XPO6: variants seen among roughly 807,000 people sequenced by gnomAD.
XPO6 encodes exportin-6.
Under a neutral mutation model 130.0 loss-of-function variants are expected in XPO6, and 3 were observed. The observed-to-expected ratio is 0.02, with a 90% CI of 0.01 to 0.06. The LOEUF is 0.06. XPO6 is among the 10% of genes least tolerant of loss of function. XPO6 has a pLI of 1.00. For synonymous variants in XPO6, 524 were observed against 548.9 expected (o/e 0.95, Z 0.63); for missense variants, 970 against 1,393.0 (o/e 0.70, Z 4.83).
chr16:28,207,383 C>A (rs7189762), intron 1 of XPO6, among the ~76,000 whole-genome samples: 66,784 of 152,028 alleles, frequency 0.44, 16,189 homozygotes, highest in Non-Finnish European at 0.55. Flanking sequence ...AGCAACAGCT[C>A]GCTCAATACT....
At chr16:28,191,906 GTC>G (rs1025435325) in intron 1 of XPO6, among the ~76,000 whole-genome samples, 2 of 152,202 alleles carry the variant, frequency 1.3e-5, no homozygotes, top group African/African-American at 2.4e-5. Context: ...TTAAGAGCAA[GTC>G]TCTTGTAAAA....
intron 9 of XPO6, among the ~76,000 whole-genome samples, chr16:28,139,469 AG>A (rs2042844759): frequency 6.6e-6 from 1 of 152,262 alleles, no homozygotes; most frequent in African/African-American, 2.4e-5. Context: ...TCAAGAAGGA[AG>A]GAAAAGCAAG....
intron 1 of XPO6, among the ~76,000 whole-genome samples, chr16:28,187,640 G>C (rs931588585): frequency 3.3e-5 from 5 of 149,608 alleles, no homozygotes; most frequent in African/African-American, 5.0e-5. Context: ...ATAGATATTA[G>C]GCTTCTCTAC....
At chr16:28,121,395 G>A (rs1452472972) in intron 14 of XPO6, among the ~76,000 whole-genome samples, 2 of 152,166 alleles carry the variant, frequency 1.3e-5, no homozygotes, top group African/African-American at 4.8e-5. Flanking sequence ...CCTCCTGCCT[G>A]TGTGACTGTC....
intron 8 of XPO6, among the ~76,000 whole-genome samples, chr16:28,150,377 C>A (rs188246770): frequency 6.6e-6 from 1 of 151,986 alleles, no homozygotes; most frequent in Non-Finnish European, 1.5e-5. Context: ...TATAAAACCA[C>A]CATTTTCAAT....
intron 16 of XPO6, 107 bp from the exon 17 acceptor site, chr16:28,112,113 G>GC (rs2086939130): frequency 8.2e-6 from 11 of 1,341,324 alleles, no homozygotes; most frequent in African/African-American, 1.5e-5. Context: ...TGGAACCCTA[G>GC]CCCCCAGGCT....
At chr16:28,168,976 C>T (rs2043406316) in intron 5 of XPO6, among the ~76,000 whole-genome samples, 1 of 152,110 alleles carries the variant, frequency 6.6e-6, no homozygotes, top group African/African-American at 2.4e-5. Flanking sequence ...ATGCCAAGCA[C>T]TAAACTGGAG....
chr16:28,192,761 G>C (rs1342664133), intron 1 of XPO6, among the ~76,000 whole-genome samples: 1 of 152,140 alleles, frequency 6.6e-6, no homozygotes, highest in African/African-American at 2.4e-5. Flanking sequence ...CTCCCACCTG[G>C]TGTGCAGTCA....
intron 1 of XPO6, among the ~76,000 whole-genome samples, chr16:28,194,548 G>T (rs145400718): frequency 6.6e-6 from 1 of 152,044 alleles, no homozygotes; most frequent in African/African-American, 2.4e-5. Context: ...AGAGGAGGGG[G>T]TCTCAAATGC....
chr16:28,105,541 C>G (rs2086755348), intron 20 of XPO6: 1 of 154,554 alleles, frequency 6.5e-6, no homozygotes, highest in African/African-American at 2.4e-5. Flanking sequence ...AAGATTAACT[C>G]TTATTTATAC....
intron 1 of XPO6, among the ~76,000 whole-genome samples, chr16:28,203,104 C>T (rs1216201670): frequency 6.6e-6 from 1 of 152,046 alleles, no homozygotes; most frequent in Non-Finnish European, 1.5e-5. Context: ...GGTGAAACCT[C>T]GTATCTACAA....
chr16:28,186,371 A>ATTTTTTTTTTTTTTTTTTTTTTTTTTT (rs1237138991), intron 1 of XPO6, among the ~76,000 whole-genome samples: 2 of 10,126 alleles, frequency 2.0e-4, no homozygotes, highest in Middle Eastern at 0.071. Context: ...TGCCCCAGTT[A>ATTTTTTTTTTTTTTTTTTTTTTTTTTT]TTCTTTTTTT....
intron 1 of XPO6, among the ~76,000 whole-genome samples, chr16:28,196,697 C>T (rs1423414350): frequency 6.6e-6 from 1 of 152,166 alleles, no homozygotes; most frequent in Non-Finnish European, 1.5e-5. Context: ...GATTAATGCC[C>T]TCCCTGGCAA....
intron 21 of XPO6, among the ~76,000 whole-genome samples, chr16:28,103,129 C>G (rs2141229957): frequency 6.6e-6 from 1 of 152,296 alleles, no homozygotes; most frequent in South Asian, 2.1e-4. Flanking sequence ...AGGACACTTC[C>G]ATCACCTGGA....
chr16:28,136,354 G>C (rs1316835802), intron 9 of XPO6, among the ~76,000 whole-genome samples: 9 of 152,096 alleles, frequency 5.9e-5, no homozygotes, highest in Non-Finnish European at 1.5e-5. Context: ...CGAGTGGCTG[G>C]GATTACAGGC....
chr16:28,110,003 G>A (rs2086878896), intron 17 of XPO6, among the ~76,000 whole-genome samples: 1 of 152,150 alleles, frequency 6.6e-6, no homozygotes, highest in Non-Finnish European at 1.5e-5. Context: ...GAGAGATGCA[G>A]TTGTTCATTT....
intron 12 of XPO6, 114 bp from the exon 13 acceptor site, chr16:28,125,962 C>T (rs368885415): frequency 1.2e-5 from 17 of 1,362,712 alleles, no homozygotes; most frequent in African/African-American, 5.8e-5. Context: ...AACCAATTCG[C>T]GAAACAAAGC....
chr16:28,137,040 T>C (rs1277267650), intron 9 of XPO6, among the ~76,000 whole-genome samples: 1 of 152,272 alleles, frequency 6.6e-6, no homozygotes, highest in Non-Finnish European at 1.5e-5. Flanking sequence ...GTCCTGGCAG[T>C]GCTGCCCCAG....
chr16:28,146,885 G>A (rs2042992249), intron 8 of XPO6, among the ~76,000 whole-genome samples: 2 of 152,290 alleles, frequency 1.3e-5, no homozygotes, highest in Admixed American at 6.5e-5. Context: ...GAAGACCACT[G>A]CACTAGTTAA....
Sources: allele counts gnomAD v4.1 joint callset (sites outside exome capture counted in the v4.1 genomes callset), GRCh38; gene constraint gnomAD v4.1.1; transcripts MANE v1.5; gene names NCBI Gene and HGNC (gene_info 2026-07-23, HGNC 2026-07-21).